CRISPLD2: variants seen among roughly 807,000 people sequenced by gnomAD.
CRISPLD2 encodes cysteine-rich secretory protein LCCL domain-containing 2.
CRISPLD2 carries 47 observed loss-of-function variants against 71.1 expected under a neutral mutation model. That is an observed-to-expected ratio of 0.66 (90% CI 0.52 to 0.84). The LOEUF (loss-of-function observed/expected upper bound fraction) is 0.84, where lower values mean the gene tolerates loss of function less well. CRISPLD2 is among the 40% of genes least tolerant of loss of function. The pLI is 0.00. For missense variants in CRISPLD2, 830 were observed against 651.1 expected, an observed-to-expected ratio of 1.27 and a Z score of -2.99; for synonymous variants, 317 against 250.1, an observed-to-expected ratio of 1.27 and a Z score of -2.52.
chr16:84,854,523 A>G (rs930200829), intron 5 of CRISPLD2, among the ~76,000 whole-genome samples: 1 of 152,084 alleles, frequency 6.6e-6, no homozygotes, highest in African/African-American at 2.4e-5. Flanking sequence ...CTTCTGCAGA[A>G]TCGCTGGGAT....
chr16:84,872,420 C>A lies in CRISPLD2; in HGVS notation c.915-22C>A, dbSNP rs192547375. ...AATCAACGTGCTTATCTCTGAACAT[C>A]ATTTTATTTCTTCCTCGTCAGGTAC... is the stretch of plus-strand genomic sequence containing the variant. On this transcript the variant is annotated intron_variant, in intron 8 of 14. Coordinates refer to ENST00000262424, the MANE Select transcript of CRISPLD2 (RefSeq NM_031476.4). 75 of 1,606,168 alleles carry A rather than the reference C, an allele frequency of 4.7e-5. No homozygotes were observed. In the African/African-American group the frequency reaches 9.8e-4, roughly 21 times the overall value.
chr16:84,845,961 C>A (rs1489145069), intron 3 of CRISPLD2, 57 bp downstream of exon 3: 4 of 1,140,812 alleles, frequency 3.5e-6, no homozygotes, highest in African/African-American at 1.5e-5. Flanking sequence ...GTGTGCCGGG[C>A]TCAGCACTTG....
intron 1 of CRISPLD2, among the ~76,000 whole-genome samples, chr16:84,822,060 T>G (rs1201509394): frequency 6.6e-6 from 1 of 152,228 alleles, no homozygotes; most frequent in Non-Finnish European, 1.5e-5. Context: ...GTTGAGGCTT[T>G]CTGTGCCATG....
rs72799568 is a variant in CRISPLD2 at position 84,868,877 on chromosome 16, A to T, written c.880A>T (p.Met294Leu). ...CCAAGTCGTCAGATGTGACACCAAGATGAAGGACAGGTGCAAAGGGTCCAC... is the reference window on the plus strand; with the variant it reads ...CCAAGTCGTCAGATGTGACACCAAGTTGAAGGACAGGTGCAAAGGGTCCAC... ...MTQVVRCDTK[M>L]KDRCKGSTCN... The change falls in exon 8 of 15, where the codon ATG (methionine) becomes TTG (leucine). Residue 294 changes from methionine (M) to leucine (L), a missense_variant. Met to Leu is a conservative substitution (Grantham distance 15, BLOSUM62 2). Transcript: ENST00000262424. 0.045 allele frequency: 72,503 copies of T among 1,610,836 alleles called. 1,871 individuals are homozygous for T. The highest frequency in any genetic ancestry group is 0.05 in the Non-Finnish European group (59,379 of 1,178,576).
chr16:84,838,521 TC>T lies in CRISPLD2; in HGVS notation c.30del (p.Leu11TrpfsTer21). 6.2e-7 allele frequency: 1 copy of T among 1,614,120 alleles called. No individual in the cohort carries two copies. The highest frequency in any genetic ancestry group is 1.1e-5 in the South Asian group (1 of 91,088). MSCVLGGV[I>X]PLGLLFLVCG... Reference sequence around the variant, plus strand: ...ATGAGCTGCGTCCTGGGTGGTGTCATCCCCTTGGGGCTGCTGTTCCTGGTCT... The same window carrying T: ...ATGAGCTGCGTCCTGGGTGGTGTCATCCCTTGGGGCTGCTGTTCCTGGTCT... On this transcript the variant is annotated frameshift_variant, in exon 2 of 15. Transcript: ENST00000262424. LOFTEE classifies it high-confidence loss of function.
chr16:84,906,569 T>G lies in CRISPLD2; in HGVS notation c.1440-19T>G. 6.2e-7 allele frequency: 1 copy of G among 1,611,842 alleles called. No homozygotes were observed. Among genetic ancestry groups the G allele is most frequent in the Non-Finnish European group, 8.5e-7 (1 of 1,179,790 alleles). ...CTCCAGATCTCTCAGTAACGGGCCC[T>G]CTTTCTTCTTTTTTTCAGCCTGGGG... On this transcript the variant is annotated intron_variant, in intron 14 of 14. Transcript: ENST00000262424.
In CRISPLD2 at chr16:84,907,135, T is replaced by C. The variant is rs545151973; in HGVS notation, c.*493T>C. 4 of 173,156 alleles carry C rather than the reference T, an allele frequency of 2.3e-5. No homozygotes were observed. The South Asian group carries it at 3.6e-4, about 16-fold the overall frequency. 10.7% of individuals were successfully genotyped at this position (173,156 alleles called of 1,614,324 possible). A position where few individuals can be genotyped will look rare whatever the true frequency, so the allele number is the denominator to read the frequency against. The stretch of plus-strand genomic sequence containing the variant: ...ATTTAAAAATAAAAAACACAGTCCG[T>C]CCCTACCAATAGAGGAAAATGGTTT... On this transcript the variant is annotated 3_prime_UTR_variant, in exon 15 of 15. Coordinates refer to ENST00000262424, the MANE Select transcript of CRISPLD2 (RefSeq NM_031476.4).
chr16:84,835,230 A>G (rs987159749), intron 1 of CRISPLD2, among the ~76,000 whole-genome samples: 2 of 152,098 alleles, frequency 1.3e-5, no homozygotes, highest in Non-Finnish European at 2.9e-5. Flanking sequence ...AGCTGGGATT[A>G]CAGGCAGGCG....
At chr16:84,880,752 C>A (rs2071561427) in intron 13 of CRISPLD2, 168 bp downstream of exon 13, 1 of 518,866 alleles carries the variant, frequency 1.9e-6, no homozygotes, top group East Asian at 3.1e-5. Flanking sequence ...GTTGCCCAGG[C>A]TGGAGTACAG....
At chr16:84,899,704 T>C (rs2071736769) in intron 14 of CRISPLD2, among the ~76,000 whole-genome samples, 1 of 152,196 alleles carries the variant, frequency 6.6e-6, no homozygotes, top group Non-Finnish European at 1.5e-5. Flanking sequence ...GGTTGTTTAA[T>C]GGGGTGCATG....
chr16:84,847,373 T>C (rs570062738), intron 3 of CRISPLD2, among the ~76,000 whole-genome samples: 4 of 152,278 alleles, frequency 2.6e-5, no homozygotes, highest in Non-Finnish European at 5.9e-5. Flanking sequence ...TCTTACAGGC[T>C]GGGCAAGGTG....
intron 3 of CRISPLD2, chr16:84,849,069 A>C (rs1479466155): frequency 4.4e-6 from 1 of 225,588 alleles, no homozygotes; most frequent in Admixed American, 5.2e-5. Context: ...GAGCCACCTG[A>C]GGAGCCTACT....
At chr16:84,847,488 A>G (rs566133040) in intron 3 of CRISPLD2, among the ~76,000 whole-genome samples, 1 of 152,222 alleles carries the variant, frequency 6.6e-6, no homozygotes, top group Non-Finnish European at 1.5e-5. Context: ...CGTCTCTACT[A>G]AAAATACAAA....
intron 14 of CRISPLD2, among the ~76,000 whole-genome samples, chr16:84,898,716 C>G (rs1376557468): frequency 1.3e-5 from 2 of 152,242 alleles, no homozygotes; most frequent in African/African-American, 4.8e-5. Context: ...GTTAACCCCA[C>G]AGCCCTGATG....
At chr16:84,876,163 T>C (rs1387399949) in intron 11 of CRISPLD2, among the ~76,000 whole-genome samples, 1 of 152,226 alleles carries the variant, frequency 6.6e-6, no homozygotes, top group African/African-American at 2.4e-5. Context: ...ACATCAAACA[T>C]AAGGACCACA....
chr16:84,880,813 C>G (rs1347223271), intron 13 of CRISPLD2: 2 of 368,072 alleles, frequency 5.4e-6, no homozygotes, highest in South Asian at 4.8e-5. Context: ...TCAAACGATT[C>G]TTGTACCTCA....
intron 14 of CRISPLD2, among the ~76,000 whole-genome samples, chr16:84,900,063 G>T (rs1488733560): frequency 6.6e-6 from 1 of 152,058 alleles, no homozygotes; most frequent in Admixed American, 6.6e-5. Context: ...GGGCCGCCAG[G>T]GTCACCCCAG....
intron 7 of CRISPLD2, among the ~76,000 whole-genome samples, chr16:84,867,770 C>T (rs1475121764): frequency 6.6e-6 from 1 of 152,116 alleles, no homozygotes; most frequent in African/African-American, 2.4e-5. Flanking sequence ...AGATGTTTCC[C>T]CCTGGGACTT....
At chr16:84,899,574 A>G (rs71386875) in intron 14 of CRISPLD2, among the ~76,000 whole-genome samples, 1,699 of 152,308 alleles carry the variant, frequency 0.011, 10 homozygotes, top group Non-Finnish European at 0.019. Flanking sequence ...GGTGGATGGC[A>G]CCAACAGTTG....
Sources: gnomAD v4.1 joint callset for allele counts (sites outside exome capture counted in the v4.1 genomes callset) on GRCh38, gnomAD v4.1.1 for gene constraint, MANE v1.5 for transcripts, NCBI Gene and HGNC (gene_info 2026-07-23, HGNC 2026-07-21) for gene names.